The following ITGA1 variants were observed in gnomAD, a reference collection of about 807,000 sequenced individuals.
ITGA1 encodes the protein integrin alpha-1.
Under a neutral mutation model 145.9 loss-of-function variants are expected in ITGA1, and 85 were observed. The ratio of observed to expected loss-of-function variants is 0.58; its 90% CI spans 0.49 to 0.70. The LOEUF is 0.70. Ranked by LOEUF, ITGA1 falls within the 30% of genes least tolerant of loss-of-function variation. The probability of loss-of-function intolerance (pLI) is 0.00; values close to 1 mark genes in which losing one functional copy is unlikely to be tolerated. For missense variants in ITGA1, 1,351 were observed against 1,418.7 expected, an observed-to-expected ratio of 0.95 and a Z score of 0.77; for synonymous variants, 520 against 495.3, an observed-to-expected ratio of 1.05 and a Z score of -0.66.
At chr5:52,840,137 C>T (rs1749229505) in intron 1 of ITGA1, among the ~76,000 whole-genome samples, 1 of 152,164 alleles carries the variant, frequency 6.6e-6, no homozygotes, top group South Asian at 2.1e-4. Flanking sequence ...ACCTTTATAA[C>T]TGGCAATATC....
intron 7 of ITGA1, among the ~76,000 whole-genome samples, chr5:52,887,101 T>TC (rs1412719991): frequency 6.6e-6 from 1 of 152,124 alleles, no homozygotes; most frequent in East Asian, 1.9e-4. Context: ...TGCCATCTTC[T>TC]CCCATCCTGC....
At chr5:52,910,926 T>C (rs1405760771) in intron 14 of ITGA1, among the ~76,000 whole-genome samples, 1 of 138,708 alleles carries the variant, frequency 7.2e-6, no homozygotes, top group African/African-American at 2.6e-5. Context: ...CTATATATAG[T>C]ATATATGGTA....
intron 9 of ITGA1, among the ~76,000 whole-genome samples, chr5:52,896,131 C>A (rs1750220014): frequency 6.6e-6 from 1 of 152,110 alleles, no homozygotes; most frequent in African/African-American, 2.4e-5. Flanking sequence ...GTGGCTGGCC[C>A]AAACACCCAT....
At chr5:52,912,182 T>C (rs1170270133) in intron 14 of ITGA1, among the ~76,000 whole-genome samples, 1 of 143,874 alleles carries the variant, frequency 7.0e-6, no homozygotes, top group Non-Finnish European at 1.5e-5. Context: ...AGTATATAGA[T>C]ACGCTATATA....
At chr5:52,827,135 C>A (rs1748981655) in intron 1 of ITGA1, among the ~76,000 whole-genome samples, 2 of 139,570 alleles carry the variant, frequency 1.4e-5, no homozygotes, top group South Asian at 2.3e-4. Context: ...GTCAAAAGAT[C>A]AACATTAACA....
At chr5:52,907,328 A>G (rs1481301293) in intron 12 of ITGA1, among the ~76,000 whole-genome samples, 2 of 152,220 alleles carry the variant, frequency 1.3e-5, no homozygotes, top group Admixed American at 1.3e-4. Context: ...TGTCAGCAGT[A>G]AAAATGGAAA....
At chr5:52,903,873 C>A (rs1312698226) in intron 11 of ITGA1, 1 of 152,188 alleles carries the variant, frequency 6.6e-6, no homozygotes, top group Non-Finnish European at 1.5e-5. Flanking sequence ...ACAATTTATG[C>A]TCTTCCTGTA....
intron 17 of ITGA1, among the ~76,000 whole-genome samples, 175 bp downstream of exon 17, chr5:52,920,643 T>C (rs1375923508): frequency 6.6e-6 from 1 of 152,230 alleles, no homozygotes; most frequent in African/African-American, 2.4e-5. Context: ...TTTTCTCATT[T>C]CCAAATATTT....
rs957124608 is a variant in ITGA1, at chr5:52,959,057, T to C, written c.*6606T>C. 6 of 152,200 alleles carry C rather than the reference T, an allele frequency of 3.9e-5. No homozygotes were observed. The highest frequency in any genetic ancestry group is 1.4e-4 in the African/African-American group (6 of 41,468). 9.4% of individuals were successfully genotyped at this position (152,200 alleles called of 1,614,324 possible). A position where few individuals can be genotyped will look rare whatever the true frequency, so the allele number is the denominator to read the frequency against. On this transcript the variant is annotated 3_prime_UTR_variant, in exon 29 of 29. Transcript: ENST00000282588. Reference sequence around the variant, plus strand: ...GTAAAAAAGCATTTTGAATGTCCTATGTATGGCATATCCTGTACACCAATT... The same window carrying C: ...GTAAAAAAGCATTTTGAATGTCCTACGTATGGCATATCCTGTACACCAATT...
intron 1 of ITGA1, among the ~76,000 whole-genome samples, chr5:52,811,778 C>G (rs1417515824): frequency 3.3e-5 from 5 of 152,186 alleles, no homozygotes; most frequent in African/African-American, 1.2e-4. Flanking sequence ...TTATTTTCCT[C>G]TTCTATCAAC....
chr5:52,908,771 T>G, intron 12 of ITGA1, 127 bp from the exon 13 acceptor site: 1 of 975,194 alleles, frequency 1.0e-6, no homozygotes, highest in Admixed American at 2.4e-5. Context: ...GCATCAATTT[T>G]TATCTTTCAT....
At chr5:52,887,599 T>C (rs75577422) in intron 7 of ITGA1, among the ~76,000 whole-genome samples, 3,827 of 152,268 alleles carry the variant, frequency 0.025, 188 homozygotes, top group African/African-American at 0.089. Context: ...TGTGTGGTGA[T>C]TAGCAAAACG....
intron 1 of ITGA1, among the ~76,000 whole-genome samples, chr5:52,808,676 C>CTTTCTTTTTTTTTTTTTTTTTTTTTTT (rs1554041033): frequency 2.3e-4 from 16 of 69,342 alleles, no homozygotes; most frequent in African/African-American, 6.3e-4. Context: ...TTCTTTCTTT[C>CTTTCTTTTTTTTTTTTTTTTTTTTTTT]TTTTTTTTTT....
intron 3 of ITGA1, among the ~76,000 whole-genome samples, chr5:52,864,305 A>G (rs531355196): frequency 1.3e-5 from 2 of 152,248 alleles, no homozygotes; most frequent in South Asian, 2.1e-4. Context: ...GGATGTCCTC[A>G]TGATTTTGGA....
chr5:52,893,925 T>C, intron 9 of ITGA1, 85 bp downstream of exon 9: 1 of 990,184 alleles, frequency 1.0e-6, no homozygotes, highest in Non-Finnish European at 1.5e-6. Flanking sequence ...TCCTAATACA[T>C]CAGTAATACT....
At chr5:52,875,243 T>A (rs916025834) in intron 6 of ITGA1, among the ~76,000 whole-genome samples, 5 of 151,938 alleles carry the variant, frequency 3.3e-5, no homozygotes, top group Non-Finnish European at 5.9e-5. Flanking sequence ...AATTCTTTTT[T>A]AAATCAAACT....
chr5:52,902,276 C>G (rs1369166624), intron 11 of ITGA1: 1 of 152,218 alleles, frequency 6.6e-6, no homozygotes, highest in Non-Finnish European at 1.5e-5. Context: ...ACCCAAACTG[C>G]CTTATGCCAA....
At chr5:52,829,618 G>T (rs779232827) in intron 1 of ITGA1, among the ~76,000 whole-genome samples, 2 of 150,386 alleles carry the variant, frequency 1.3e-5, no homozygotes, top group African/African-American at 2.4e-5. Flanking sequence ...TCTGTTGTGG[G>T]TTTTTTTTTC....
chr5:52,899,553 G>A (rs1432789669), intron 11 of ITGA1, among the ~76,000 whole-genome samples: 1 of 152,114 alleles, frequency 6.6e-6, no homozygotes, highest in African/African-American at 2.4e-5. Context: ...AACAGCTAGA[G>A]TATCTGGTTG....
Sources: allele counts gnomAD v4.1 joint callset (sites outside exome capture counted in the v4.1 genomes callset), GRCh38; gene constraint gnomAD v4.1.1; transcripts MANE v1.5; gene names NCBI Gene and HGNC (gene_info 2026-07-23, HGNC 2026-07-21).